MSH3: variants seen among roughly 807,000 people sequenced by gnomAD.
MSH3 encodes the protein DNA mismatch repair protein Msh3.
A neutral mutation model predicts 123.3 loss-of-function variants in MSH3; 106 were observed. The observed-to-expected ratio is 0.86, with a 90% CI of 0.73 to 1.01. MSH3 has a LOEUF of 1.01. Among genes scored for constraint, MSH3 ranks in the 50% least tolerant of loss-of-function variants. The pLI is 0.00. For synonymous variants in MSH3, 515 were observed against 481.4 expected (o/e 1.07, Z -0.91); for missense variants, 1,459 against 1,347.6 (o/e 1.08, Z -1.29).
At chr5:80,855,928 G>C (rs1745911526) in intron 21 of MSH3, 1 of 128,334 alleles carries the variant, frequency 7.8e-6, no homozygotes, top group Admixed American at 9.6e-5. Context: ...CTGTCACTCA[G>C]GCTGCAGTGC....
intron 20 of MSH3, among the ~76,000 whole-genome samples, chr5:80,851,584 G>T (rs1435072037): frequency 6.6e-6 from 1 of 152,018 alleles, no homozygotes; most frequent in Non-Finnish European, 1.5e-5. Context: ...TTCTCAGTTT[G>T]TGGTTTGCCT....
rs60911330 is a variant in MSH3 at position 80,716,602 on chromosome 5, T to A, written c.1341-8851T>A. On this transcript the variant is annotated intron_variant, in intron 8 of 23. Transcript: ENST00000265081. ...AACTTATATTTTTTTACATATTTAT[T>A]CTTGATTCATAATATTTATACATAT... is the stretch of plus-strand genomic sequence containing the variant. Among the ~76,000 whole-genome samples, 345 of 152,260 alleles carry A rather than the reference T, an allele frequency of 2.3e-3. 2 individuals are homozygous for A. Among genetic ancestry groups the A allele is most frequent in the African/African-American group, 6.7e-3 (277 of 41,544 alleles).
chr5:80,720,184 C>A (rs1160019562), intron 8 of MSH3, among the ~76,000 whole-genome samples: 2 of 151,932 alleles, frequency 1.3e-5, no homozygotes, highest in Admixed American at 1.3e-4. Context: ...GTTTTTCTTT[C>A]TTTTATAAAC....
In MSH3 at chr5:80,689,465, C is replaced by T. The variant is rs184886684; in HGVS notation, c.1340+10372C>T. On this transcript the variant is annotated intron_variant, in intron 8 of 23. Coordinates refer to ENST00000265081, the MANE Select transcript of MSH3 (RefSeq NM_002439.5). ...AAAAAATAATTCTTGCTAACCTCCT[C>T]ACCCATTTCACTTAAATTAGTTTTA... is the stretch of plus-strand genomic sequence containing the variant. Among the ~76,000 whole-genome samples, 296 of 152,268 alleles carry T rather than the reference C, an allele frequency of 1.9e-3. 1 individual carries two copies. The highest frequency in any genetic ancestry group is 6.2e-3 in the South Asian group (30 of 4,826).
At chr5:80,694,057 A>G (rs775479458) in intron 8 of MSH3, among the ~76,000 whole-genome samples, 9 of 152,190 alleles carry the variant, frequency 5.9e-5, no homozygotes, top group Admixed American at 4.6e-4. Flanking sequence ...GATGGAGAAA[A>G]CAAATTCATG....
At position 80,761,784 on chromosome 5, in the gene MSH3, A is replaced by C. The variant is rs1480264921; in HGVS notation, c.1896+106A>C. 3 of 1,249,216 alleles carry C rather than the reference A, an allele frequency of 2.4e-6. No individual in the cohort carries two copies. The African/African-American group carries it at 4.5e-5, about 19-fold the overall frequency. The allele number at this position is 1,249,216 out of a possible 1,614,324, so 77.4% of individuals were successfully genotyped here. ...GCTCTATTATTATTTTATTTTGTAA[A>C]ATCTTACAAATAGCATGCGAGAGTA... On this transcript the variant is annotated intron_variant, in intron 13 of 23. Coordinates refer to ENST00000265081, the MANE Select transcript of MSH3 (RefSeq NM_002439.5).
intron 2 of MSH3, among the ~76,000 whole-genome samples, chr5:80,664,903 GA>G (rs567591775): frequency 3.8e-4 from 58 of 151,424 alleles, no homozygotes; most frequent in East Asian, 2.7e-3. Context: ...AAACAAAAAA[GA>G]AAAAAAACCT....
chr5:80,872,854 A>T lies in MSH3; in HGVS notation c.3131-262A>T, dbSNP rs6151927. Among the ~76,000 whole-genome samples the T allele has an allele frequency of 0.11, 16,682 of 152,228 alleles. 1,143 individuals are homozygous for T. Among genetic ancestry groups the T allele is most frequent in the African/African-American group, 0.2 (8,189 of 41,528 alleles). ...CATTCTCTTTTTAATATAGACGTTC[A>T]GTTCAAATTTGCAATGAATCATTGT... On this transcript the variant is annotated intron_variant, in intron 22 of 23. Transcript: ENST00000265081.
chr5:80,763,058 G>A (rs1744069760), intron 13 of MSH3, among the ~76,000 whole-genome samples: 1 of 152,064 alleles, frequency 6.6e-6, no homozygotes, highest in South Asian at 2.1e-4. Context: ...CATTGGCCAG[G>A]CTGGTATCGA....
chr5:80,751,261 T>C (rs916477649), intron 12 of MSH3, among the ~76,000 whole-genome samples: 7 of 152,260 alleles, frequency 4.6e-5, no homozygotes, highest in African/African-American at 7.2e-5. Context: ...TGCTAAAAAT[T>C]AAAGCGAGAA....
intron 19 of MSH3, among the ~76,000 whole-genome samples, chr5:80,794,880 T>A (rs1382166265): frequency 6.6e-6 from 1 of 152,200 alleles, no homozygotes; most frequent in Non-Finnish European, 1.5e-5. Flanking sequence ...TTCTGAACCC[T>A]GAACCCTGAG....
intron 21 of MSH3, among the ~76,000 whole-genome samples, chr5:80,863,658 CAA>C (rs1037828159): frequency 1.5e-4 from 17 of 110,622 alleles, no homozygotes; most frequent in African/African-American, 1.3e-4. Context: ...CACTCCGTCT[CAA>C]AAAAAAAAAA....
At chr5:80,824,440 G>T (rs933060401) in intron 20 of MSH3, among the ~76,000 whole-genome samples, 8 of 152,060 alleles carry the variant, frequency 5.3e-5, no homozygotes, top group Non-Finnish European at 7.4e-5. Context: ...CCGGGCGGGG[G>T]CTGCCCCCCA....
chr5:80,852,360 T>A (rs12518711), intron 20 of MSH3, among the ~76,000 whole-genome samples: 3 of 151,974 alleles, frequency 2.0e-5, no homozygotes, highest in African/African-American at 4.8e-5. Context: ...CTGTATCCAG[T>A]GCTTGTGTAT....
intron 20 of MSH3, among the ~76,000 whole-genome samples, chr5:80,829,295 C>CT (rs1745378618): frequency 6.6e-6 from 1 of 152,194 alleles, no homozygotes. Context: ...TAAGAGGTGA[C>CT]AGCTTCCTAT....
chr5:80,842,122 A>G (rs765957154), intron 20 of MSH3, among the ~76,000 whole-genome samples: 1 of 152,200 alleles, frequency 6.6e-6, no homozygotes, highest in African/African-American at 2.4e-5. Flanking sequence ...CTTTCTACAT[A>G]TGGCTAGCCA....
chr5:80,712,038 G>A (rs1412879646), intron 8 of MSH3, among the ~76,000 whole-genome samples: 4 of 152,154 alleles, frequency 2.6e-5, no homozygotes, highest in African/African-American at 9.7e-5. Context: ...AAGCTTGAAG[G>A]CAGGCTGGAA....
At chr5:80,725,109 G>A (rs984023638) in intron 8 of MSH3, among the ~76,000 whole-genome samples, 8 of 151,454 alleles carry the variant, frequency 5.3e-5, no homozygotes, top group Non-Finnish European at 1.0e-4. Flanking sequence ...AGCTACTCGG[G>A]AGGCTGAGGC....
At chr5:80,869,595 C>G (rs4703819) in intron 22 of MSH3, among the ~76,000 whole-genome samples, 19,138 of 151,778 alleles carry the variant, frequency 0.13, 1,561 homozygotes, top group East Asian at 0.35. Flanking sequence ...GATATGAGAA[C>G]TACCATAATT....
Sources: allele counts gnomAD v4.1 joint callset (sites outside exome capture counted in the v4.1 genomes callset), GRCh38; gene constraint gnomAD v4.1.1; transcripts MANE v1.5; gene names NCBI Gene and HGNC (gene_info 2026-07-23, HGNC 2026-07-21).